GPR158: variants seen among roughly 807,000 people sequenced by gnomAD.
GPR158 encodes the protein metabotropic glycine receptor.
In GPR158, 30 loss-of-function variants were observed where a neutral mutation model predicts 78.2. The ratio of observed to expected loss-of-function variants is 0.38; its 90% CI spans 0.29 to 0.52. GPR158 has a LOEUF of 0.52. Ranked by LOEUF, GPR158 falls within the 20% of genes least tolerant of loss-of-function variation. The pLI is 0.83. For missense variants in GPR158, 1,463 were observed against 1,523.5 expected (o/e 0.96, Z 0.66); for synonymous variants, 581 against 591.1 (o/e 0.98, Z 0.25).
chr10:25,403,372 G>A (rs1388459397), intron 3 of GPR158, among the ~76,000 whole-genome samples: 1 of 151,974 alleles, frequency 6.6e-6, no homozygotes, highest in Admixed American at 6.6e-5. Context: ...CAGATGGCCT[G>A]TAAATGCTAC....
chr10:25,339,000 GTTTC>G lies in GPR158; in HGVS notation c.1009-56891_1009-56888del, dbSNP rs1156302171. The stretch of plus-strand genomic sequence containing the variant: ...CCTGTTAAATTTATTTCTAAGTTAG[GTTTC>G]TTTCTTTCTTTCTTTCTTTTTTTTT... On this transcript the variant is annotated intron_variant, in intron 2 of 10. Coordinates refer to ENST00000376351, the MANE Select transcript of GPR158 (RefSeq NM_020752.3). Among the ~76,000 whole-genome samples the G allele has an allele frequency of 8.9e-4, 132 of 148,890 alleles. 1 individual carries two copies. Among genetic ancestry groups the G allele is most frequent in the African/African-American group, 2.0e-3 (83 of 40,696 alleles).
At chr10:25,226,271 C>T (rs1853371040) in intron 2 of GPR158, among the ~76,000 whole-genome samples, 1 of 152,082 alleles carries the variant, frequency 6.6e-6, no homozygotes, top group African/African-American at 2.4e-5. Flanking sequence ...ATTTAATAGC[C>T]CATGTAACTA....
chr10:25,374,604 C>T (rs1362577489), intron 2 of GPR158, among the ~76,000 whole-genome samples: 1 of 151,756 alleles, frequency 6.6e-6, no homozygotes, highest in Non-Finnish European at 1.5e-5. Flanking sequence ...AATTTCTTCT[C>T]TGCTTCTAAA....
intron 1 of GPR158, among the ~76,000 whole-genome samples, chr10:25,219,013 G>A (rs2130680090): frequency 6.6e-6 from 1 of 152,272 alleles, no homozygotes; most frequent in East Asian, 1.9e-4. Context: ...AGCACTCACT[G>A]AGTATCTACT....
At position 25,213,922 on chromosome 10, in the gene GPR158, C is replaced by A. The variant is rs558565577; in HGVS notation, c.903-7130C>A. 2.0e-4 allele frequency among the ~76,000 whole-genome samples: 30 copies of A among 152,234 alleles called. 1 individual carries two copies. The South Asian group carries it at 6.0e-3, about 30-fold the overall frequency. On this transcript the variant is annotated intron_variant, in intron 1 of 10. Coordinates refer to ENST00000376351, the MANE Select transcript of GPR158 (RefSeq NM_020752.3). ...TTTTAAACATTCCTTTTTGTCTCTT[C>A]ATTCTGCATATTATTTGCATATTTT...
chr10:25,266,607 G>A (rs939137736), intron 2 of GPR158, among the ~76,000 whole-genome samples: 13 of 151,932 alleles, frequency 8.6e-5, no homozygotes, highest in African/African-American at 3.1e-4. Flanking sequence ...GCATAAGAAG[G>A]AAAGCTTAAA....
intron 4 of GPR158, among the ~76,000 whole-genome samples, chr10:25,441,741 C>A (rs1416583689): frequency 6.6e-6 from 1 of 152,102 alleles, no homozygotes; most frequent in African/African-American, 2.4e-5. Context: ...TATCCTGAAA[C>A]CTAATATCAT....
chr10:25,212,678 C>T (rs1414178390), intron 1 of GPR158, among the ~76,000 whole-genome samples: 3 of 123,610 alleles, frequency 2.4e-5, no homozygotes, highest in Non-Finnish European at 4.7e-5. Context: ...GTTGCCCAGG[C>T]TAGAGTGCAG....
rs1258082011 is a variant in GPR158, at chr10:25,600,861, A to C, written c.*1587A>C. On this transcript the variant is annotated 3_prime_UTR_variant, in exon 11 of 11. Transcript: ENST00000376351. ...CTGATCTCTTGGCATGGGAATCCTAAGCTGCCGACTAAGCCCTACCGACAT... is the reference window on the plus strand; with the variant it reads ...CTGATCTCTTGGCATGGGAATCCTACGCTGCCGACTAAGCCCTACCGACAT... 1 of 152,168 alleles carries C rather than the reference A, an allele frequency of 6.6e-6. No homozygotes were observed. Among genetic ancestry groups the C allele is most frequent in the Non-Finnish European group, 1.5e-5 (1 of 68,028 alleles). The allele number at this position is 152,168 out of a possible 1,614,324, so 9.4% of individuals were successfully genotyped here. A position where few individuals can be genotyped will look rare whatever the true frequency, so the allele number is the denominator to read the frequency against.
At chr10:25,251,240 A>G (rs1038134501) in intron 2 of GPR158, among the ~76,000 whole-genome samples, 3 of 152,142 alleles carry the variant, frequency 2.0e-5, no homozygotes, top group African/African-American at 7.2e-5. Context: ...TGAATACAGC[A>G]CACTGATGGG....
At position 25,600,235 on chromosome 10, in the gene GPR158, T is replaced by C. The variant is rs1342867223; in HGVS notation, c.*961T>C. On this transcript the variant is annotated 3_prime_UTR_variant, in exon 11 of 11. Transcript: ENST00000376351. Reference sequence around the variant, plus strand: ...CAACTTATCCGTTGTTTATTCAAAGTCAGAGATAGATAACGCCTTCATTCC... The same window carrying C: ...CAACTTATCCGTTGTTTATTCAAAGCCAGAGATAGATAACGCCTTCATTCC... 1 of 152,614 alleles carries C rather than the reference T, an allele frequency of 6.6e-6. No homozygotes were observed. The highest frequency in any genetic ancestry group is 1.5e-5 in the Non-Finnish European group (1 of 68,014). 9.5% of individuals were successfully genotyped at this position (152,614 alleles called of 1,614,324 possible). A position where few individuals can be genotyped will look rare whatever the true frequency, so the allele number is the denominator to read the frequency against.
At chr10:25,242,527 G>A (rs899561178) in intron 2 of GPR158, among the ~76,000 whole-genome samples, 1 of 152,190 alleles carries the variant, frequency 6.6e-6, no homozygotes, top group Non-Finnish European at 1.5e-5. Context: ...AAGGGTTAAT[G>A]TTAGGAAATT....
At chr10:25,371,488 G>C (rs1331872076) in intron 2 of GPR158, among the ~76,000 whole-genome samples, 1 of 151,362 alleles carries the variant, frequency 6.6e-6, no homozygotes, top group Non-Finnish European at 1.5e-5. Context: ...AAACAGCATG[G>C]TACTGGTACC....
Position 25,395,933 on chromosome 10 carries a change from G to C in GPR158, c.1031G>C (p.Gly344Ala). The change falls in exon 3 of 11, where the codon GGA (glycine) becomes GCA (alanine). Residue 344 changes from glycine (G) to alanine (A), a missense_variant. Gly to Ala is a moderately conservative substitution (Grantham distance 60). Coordinates refer to ENST00000376351, the MANE Select transcript of GPR158 (RefSeq NM_020752.3). ...NSECMPIKGLGFVLGAYECIC... is the reference protein window; with the variant it reads ...NSECMPIKGLAFVLGAYECIC... ...TAGTGTATGCCAATTAAAGGCCTAG[G>C]ATTCGTTCTTGGAGCCTATGAGTGC... is the stretch of plus-strand genomic sequence containing the variant. 6.3e-7 allele frequency: 1 copy of C among 1,597,868 alleles called. No homozygotes were observed.
Position 25,572,718 on chromosome 10 carries a change from G to C in GPR158, c.1584G>C (p.Arg528Ser), listed in dbSNP as rs377688066. 6.2e-7 allele frequency: 1 copy of C among 1,614,070 alleles called. No homozygotes were observed. Among genetic ancestry groups the C allele is most frequent in the Non-Finnish European group, 8.5e-7 (1 of 1,179,892 alleles). The change falls in exon 7 of 11, where the codon AGG becomes AGC. Residue 528 changes from arginine to serine, a missense_variant. Arg to Ser is a moderately radical substitution (Grantham distance 110). Transcript: ENST00000376351. Reference sequence around the variant, plus strand: ...ATATGACTGGCGGACGGGTCATGAGGATGCTGGCAGTAATACTCTTGGTAG... The same window carrying C: ...ATATGACTGGCGGACGGGTCATGAGCATGCTGGCAGTAATACTCTTGGTAG... ...IPYMTGGRVM[R>S]MLAVILLVVF...
chr10:25,314,736 C>T (rs1414124563), intron 2 of GPR158, among the ~76,000 whole-genome samples: 1 of 148,762 alleles, frequency 6.7e-6, no homozygotes, highest in Non-Finnish European at 1.5e-5. Context: ...TATAAATTTT[C>T]CTAAAACTAT....
chr10:25,278,957 A>G (rs1854225911), intron 2 of GPR158, among the ~76,000 whole-genome samples: 1 of 151,994 alleles, frequency 6.6e-6, no homozygotes, highest in Admixed American at 6.6e-5. Context: ...TTTTCAAAAG[A>G]TGTGCAAAGA....
chr10:25,365,956 A>G (rs1318688794), intron 2 of GPR158, among the ~76,000 whole-genome samples: 3 of 151,436 alleles, frequency 2.0e-5, no homozygotes, highest in Non-Finnish European at 4.4e-5. Flanking sequence ...CTTTTTAAAA[A>G]CCTTACATAA....
At chr10:25,587,138 T>C (rs1041054102) in intron 7 of GPR158, among the ~76,000 whole-genome samples, 33 of 152,150 alleles carry the variant, frequency 2.2e-4, no homozygotes, top group Admixed American at 6.5e-5. Flanking sequence ...GCAATCATGA[T>C]GGGTGAGGGA....
Sources: gnomAD v4.1 joint callset for allele counts (sites outside exome capture counted in the v4.1 genomes callset) on GRCh38, gnomAD v4.1.1 for gene constraint, MANE v1.5 for transcripts, NCBI Gene and HGNC (gene_info 2026-07-23, HGNC 2026-07-21) for gene names.